The following JAZF1 variants were observed in gnomAD, a reference collection of about 807,000 sequenced individuals.
JAZF1 encodes the protein juxtaposed with another zinc finger protein 1.
JAZF1 carries 8 observed loss-of-function variants against 26.4 expected under a neutral mutation model. That is an observed-to-expected ratio of 0.30 (90% confidence interval 0.18 to 0.55). JAZF1 has a LOEUF of 0.55. Among genes scored for constraint, JAZF1 ranks in the 20% least tolerant of loss-of-function variants. JAZF1 has a pLI of 0.94. For synonymous variants in JAZF1, 126 were observed against 122.3 expected, an observed-to-expected ratio of 1.03 and a Z score of -0.20; for missense variants, 199 against 322.0, an observed-to-expected ratio of 0.62 and a Z score of 2.92.
At chr7:28,151,130 G>T (rs944632654) in intron 1 of JAZF1, among the ~76,000 whole-genome samples, 3 of 149,662 alleles carry the variant, frequency 2.0e-5, no homozygotes, top group Non-Finnish European at 4.4e-5. Context: ...TTGAGACGGA[G>T]TTTCACTCTG....
At chr7:28,027,416 G>A (rs1783112240) in intron 1 of JAZF1, among the ~76,000 whole-genome samples, 1 of 152,192 alleles carries the variant, frequency 6.6e-6, no homozygotes, top group Non-Finnish European at 1.5e-5. Flanking sequence ...AATAATGTGG[G>A]ACAGTAGGTG....
At chr7:28,097,471 T>C (rs990486918) in intron 1 of JAZF1, among the ~76,000 whole-genome samples, 1 of 152,204 alleles carries the variant, frequency 6.6e-6, no homozygotes, top group African/African-American at 2.4e-5. Context: ...CCTGTATAAA[T>C]TAGTTAAGCC....
intron 1 of JAZF1, among the ~76,000 whole-genome samples, chr7:28,017,088 C>A (rs748565002): frequency 6.6e-6 from 1 of 152,148 alleles, no homozygotes; most frequent in Non-Finnish European, 1.5e-5. Flanking sequence ...CAATGGCTCA[C>A]ACCTATAATT....
At chr7:28,090,895 C>T (rs1379339408) in intron 1 of JAZF1, among the ~76,000 whole-genome samples, 4 of 144,456 alleles carry the variant, frequency 2.8e-5, no homozygotes, top group Non-Finnish European at 6.0e-5. Context: ...GGCGCGATCT[C>T]GGCTCACTGC....
At chr7:27,912,666 C>G (rs1304210418) in intron 2 of JAZF1, among the ~76,000 whole-genome samples, 1 of 152,048 alleles carries the variant, frequency 6.6e-6, no homozygotes, top group African/African-American at 2.4e-5. Context: ...TTCTGAAAAG[C>G]CAATTAAGAC....
chr7:28,074,821 G>A (rs1178316648), intron 1 of JAZF1, among the ~76,000 whole-genome samples: 4 of 151,982 alleles, frequency 2.6e-5, no homozygotes, highest in Non-Finnish European at 5.9e-5. Context: ...CTCATTTTAG[G>A]ACAAAGACTT....
intron 2 of JAZF1, among the ~76,000 whole-genome samples, chr7:27,974,878 C>T (rs111285994): frequency 8.8e-6 from 1 of 113,842 alleles, no homozygotes; most frequent in Non-Finnish European, 1.7e-5. Context: ...TCTGGGGAGG[C>T]CTTAGGGAGT....
chr7:28,105,293 AG>A (rs1203575695), intron 1 of JAZF1, among the ~76,000 whole-genome samples: 1 of 152,232 alleles, frequency 6.6e-6, no homozygotes, highest in Non-Finnish European at 1.5e-5. Flanking sequence ...GTAAGTTCAA[AG>A]GAACTATAGC....
chr7:28,107,199 G>A (rs552907189), intron 1 of JAZF1, among the ~76,000 whole-genome samples: 2 of 152,282 alleles, frequency 1.3e-5, no homozygotes, highest in South Asian at 2.1e-4. Flanking sequence ...ACTAGAGTAC[G>A]TTTCCAGCAC....
chr7:27,927,233 G>T (rs1044011201), intron 2 of JAZF1, among the ~76,000 whole-genome samples: 9 of 152,156 alleles, frequency 5.9e-5, no homozygotes, highest in Non-Finnish European at 1.0e-4. Flanking sequence ...CTCGTGCTCA[G>T]CTGGGAGTCC....
At chr7:27,858,976 T>C (rs995092840) in intron 3 of JAZF1, among the ~76,000 whole-genome samples, 1 of 152,032 alleles carries the variant, frequency 6.6e-6, no homozygotes, top group African/African-American at 2.4e-5. Flanking sequence ...TTGCAATCTA[T>C]CCATCTGACA....
intron 1 of JAZF1, among the ~76,000 whole-genome samples, chr7:28,124,806 AT>A (rs1782669452): frequency 6.6e-6 from 1 of 152,220 alleles, no homozygotes; most frequent in South Asian, 2.1e-4. Flanking sequence ...TTTAATGAGC[AT>A]TTTGATCAGA....
At chr7:28,067,908 GT>G (rs1047080866) in intron 1 of JAZF1, among the ~76,000 whole-genome samples, 1 of 151,970 alleles carries the variant, frequency 6.6e-6, no homozygotes, top group Admixed American at 6.6e-5. Context: ...CTTCTAAGTA[GT>G]TTTTTTCGTT....
intron 2 of JAZF1, among the ~76,000 whole-genome samples, chr7:27,978,331 A>C (rs1273232230): frequency 6.6e-6 from 1 of 152,240 alleles, no homozygotes; most frequent in African/African-American, 2.4e-5. Flanking sequence ...AGAGAGGAGA[A>C]ATACATTGGA....
chr7:27,973,298 A>G (rs1184471342), intron 2 of JAZF1, among the ~76,000 whole-genome samples: 13 of 151,714 alleles, frequency 8.6e-5, no homozygotes, highest in African/African-American at 2.2e-4. Context: ...GTGTGTGTGT[A>G]TATATATTTA....
chr7:27,922,782 C>T (rs1179884780), intron 2 of JAZF1, among the ~76,000 whole-genome samples: 1 of 152,098 alleles, frequency 6.6e-6, no homozygotes, highest in Non-Finnish European at 1.5e-5. Context: ...TCATAAACCT[C>T]CTGGAGCACC....
intron 2 of JAZF1, among the ~76,000 whole-genome samples, chr7:27,902,329 A>G (rs1784178988): frequency 6.6e-6 from 1 of 152,350 alleles, no homozygotes; most frequent in South Asian, 2.1e-4. Flanking sequence ...TTCACAAAAC[A>G]ATCTTTACTA....
At chr7:27,907,618 G>A (rs571982485) in intron 2 of JAZF1, among the ~76,000 whole-genome samples, 1 of 152,270 alleles carries the variant, frequency 6.6e-6, no homozygotes, top group South Asian at 2.1e-4. Context: ...CTAAGAACAA[G>A]GGACTCCCGG....
chr7:27,907,584 G>A (rs1306620542), intron 2 of JAZF1, among the ~76,000 whole-genome samples: 1 of 152,176 alleles, frequency 6.6e-6, no homozygotes, highest in African/African-American at 2.4e-5. Context: ...TGACAAGGTG[G>A]GGTGGGTGAC....
Sources: gnomAD v4.1 joint callset for allele counts (sites outside exome capture counted in the v4.1 genomes callset) on GRCh38, gnomAD v4.1.1 for gene constraint, MANE v1.5 for transcripts, NCBI Gene and HGNC (gene_info 2026-07-23, HGNC 2026-07-21) for gene names.